The following STX8 variants were observed in gnomAD, a reference collection of about 807,000 sequenced individuals.
STX8 encodes syntaxin 8, also known as syntaxin-8.
STX8 carries 23 observed loss-of-function variants against 37.5 expected under a neutral mutation model. The observed-to-expected ratio is 0.61, with a 90% CI of 0.44 to 0.87. The LOEUF (loss-of-function observed/expected upper bound fraction) is 0.87, where lower values mean the gene tolerates loss of function less well. Among genes scored for constraint, STX8 ranks in the 40% least tolerant of loss-of-function variants. The probability of loss-of-function intolerance (pLI) is 0.00; values close to 1 mark genes in which losing one functional copy is unlikely to be tolerated. For synonymous variants in STX8, 115 were observed against 99.1 expected (o/e 1.16, Z -0.95); for missense variants, 313 against 284.7 (o/e 1.10, Z -0.71).
chr17:9,435,426 T>G (rs558568868), intron 6 of STX8, among the ~76,000 whole-genome samples: 3 of 151,878 alleles, frequency 2.0e-5, no homozygotes, highest in Admixed American at 2.0e-4. Context: ...CCCTGAAGAG[T>G]CCAGGATTCA....
At chr17:9,305,233 C>G (rs1453040787) in intron 7 of STX8, among the ~76,000 whole-genome samples, 1 of 152,008 alleles carries the variant, frequency 6.6e-6, no homozygotes, top group Admixed American at 6.6e-5. Flanking sequence ...GCTGGGATTA[C>G]AGGCATGCTC....
intron 6 of STX8, among the ~76,000 whole-genome samples, chr17:9,431,453 G>C (rs374553082): frequency 8.7e-6 from 1 of 115,318 alleles, no homozygotes; most frequent in Non-Finnish European, 1.9e-5. Context: ...TTGTTGTTTT[G>C]TTTTTTTTGT....
At chr17:9,529,344 T>C (rs1434777726) in intron 4 of STX8, among the ~76,000 whole-genome samples, 1 of 152,224 alleles carries the variant, frequency 6.6e-6, no homozygotes, top group Non-Finnish European at 1.5e-5. Context: ...AATATGTATG[T>C]ATATAAATAT....
At chr17:9,441,897 A>G (rs781028081) in intron 6 of STX8, among the ~76,000 whole-genome samples, 8 of 151,406 alleles carry the variant, frequency 5.3e-5, no homozygotes, top group Admixed American at 2.0e-4. Context: ...GGATGGTCTC[A>G]ATCTCCTGAC....
chr17:9,339,660 T>TA (rs374274858), intron 7 of STX8, among the ~76,000 whole-genome samples: 42 of 146,782 alleles, frequency 2.9e-4, no homozygotes, highest in South Asian at 1.7e-3. Context: ...AGACACCATC[T>TA]AAAAAAAAAA....
intron 2 of STX8, among the ~76,000 whole-genome samples, chr17:9,560,299 G>A (rs996860081): frequency 3.3e-5 from 5 of 150,994 alleles, no homozygotes; most frequent in African/African-American, 4.9e-5. Context: ...TGGGGAGGCT[G>A]AGGCAGGAGA....
intron 6 of STX8, among the ~76,000 whole-genome samples, chr17:9,403,144 A>G (rs1912682892): frequency 6.6e-6 from 1 of 152,196 alleles, no homozygotes; most frequent in Non-Finnish European, 1.5e-5. Flanking sequence ...TAAAGGAATC[A>G]GGGGAGGGAG....
intron 6 of STX8, among the ~76,000 whole-genome samples, chr17:9,429,998 A>ATATATAT (rs1913869160): frequency 5.0e-5 from 1 of 20,130 alleles, no homozygotes; most frequent in Non-Finnish European, 7.8e-5. Flanking sequence ...TATATATAAT[A>ATATATAT]TATATATTAT....
At chr17:9,471,456 T>G (rs765631875) in intron 6 of STX8, among the ~76,000 whole-genome samples, 10 of 152,094 alleles carry the variant, frequency 6.6e-5, no homozygotes, top group Admixed American at 5.2e-4. Flanking sequence ...CGGCCCTAAC[T>G]GCTTTTCTTA....
intron 6 of STX8, among the ~76,000 whole-genome samples, chr17:9,445,503 G>GTGGGGGAGGGGGCTGGGGGGA (rs1567563918): frequency 1.4e-5 from 1 of 70,448 alleles, no homozygotes; most frequent in South Asian, 7.2e-4. Flanking sequence ...GGGGGGGATG[G>GTGGGGGAGGGGGCTGGGGGGA]TGGGGGAGGG....
chr17:9,254,976 A>G (rs1379184209), intron 7 of STX8, among the ~76,000 whole-genome samples: 2 of 152,264 alleles, frequency 1.3e-5, no homozygotes, highest in Non-Finnish European at 2.9e-5. Flanking sequence ...AAATGTGGCA[A>G]GAAGGCCAAT....
intron 4 of STX8, among the ~76,000 whole-genome samples, chr17:9,534,653 T>C (rs1043310531): frequency 3.3e-5 from 5 of 152,154 alleles, no homozygotes; most frequent in African/African-American, 1.2e-4. Flanking sequence ...CTGGGCATGG[T>C]GGTGCGCACC....
intron 7 of STX8, among the ~76,000 whole-genome samples, chr17:9,364,538 A>G (rs1397394528): frequency 1.3e-5 from 2 of 151,268 alleles, no homozygotes; most frequent in Admixed American, 6.6e-5. Flanking sequence ...TGTTGTTTAT[A>G]TTTTTTTTTG....
At chr17:9,434,239 G>A (rs576070305) in intron 6 of STX8, among the ~76,000 whole-genome samples, 2 of 152,148 alleles carry the variant, frequency 1.3e-5, no homozygotes, top group South Asian at 2.1e-4. Flanking sequence ...TCTGGACCTC[G>A]TGATCCGCCG....
At chr17:9,376,085 TAAGA>T (rs1295159354) in intron 7 of STX8, among the ~76,000 whole-genome samples, 1 of 152,244 alleles carries the variant, frequency 6.6e-6, no homozygotes, top group East Asian at 1.9e-4. Context: ...AGGCCCAGAT[TAAGA>T]GAGAGGTGGA....
At chr17:9,306,082 A>G (rs1430585646) in intron 7 of STX8, among the ~76,000 whole-genome samples, 1 of 152,014 alleles carries the variant, frequency 6.6e-6, no homozygotes. Flanking sequence ...TTGTACTTTT[A>G]TTATACTATT....
chr17:9,539,942 C>G (rs998734402), intron 4 of STX8, among the ~76,000 whole-genome samples: 5 of 152,046 alleles, frequency 3.3e-5, no homozygotes, highest in Non-Finnish European at 5.9e-5. Flanking sequence ...GGGATACAAT[C>G]GAATTGTAAT....
intron 6 of STX8, among the ~76,000 whole-genome samples, chr17:9,477,842 G>C (rs1906165010): frequency 6.6e-6 from 1 of 152,178 alleles, no homozygotes; most frequent in South Asian, 2.1e-4. Flanking sequence ...GGTGGCCTGA[G>C]TATCCCATTC....
chr17:9,482,528 T>C (rs897338491), intron 6 of STX8, among the ~76,000 whole-genome samples: 1 of 152,204 alleles, frequency 6.6e-6, no homozygotes, highest in African/African-American at 2.4e-5. Flanking sequence ...CAGTACATGA[T>C]TAATTCCATT....
Sources: gnomAD v4.1 joint callset for allele counts (sites outside exome capture counted in the v4.1 genomes callset) on GRCh38, gnomAD v4.1.1 for gene constraint, MANE v1.5 for transcripts, NCBI Gene and HGNC (gene_info 2026-07-23, HGNC 2026-07-21) for gene names.